GABRB1: variants seen among roughly 807,000 people sequenced by gnomAD.
GABRB1 encodes gamma-aminobutyric acid type A receptor subunit beta1.
A neutral mutation model predicts 51.6 loss-of-function variants in GABRB1; 17 were observed. That is an observed-to-expected ratio of 0.33 (90% confidence interval 0.23 to 0.49). GABRB1 has a LOEUF of 0.49. Ranked by LOEUF, GABRB1 falls within the 20% of genes least tolerant of loss-of-function variation. The probability of loss-of-function intolerance (pLI) is 0.99; values close to 1 mark genes in which losing one functional copy is unlikely to be tolerated. For synonymous variants in GABRB1, 247 were observed against 218.9 expected (o/e 1.13, Z -1.14); for missense variants, 410 against 600.6 (o/e 0.68, Z 3.32).
intron 4 of GABRB1, among the ~76,000 whole-genome samples, chr4:47,283,536 C>G (rs868629993): frequency 6.6e-6 from 1 of 150,884 alleles, no homozygotes; most frequent in Non-Finnish European, 1.5e-5. Flanking sequence ...CAGGAGCCTG[C>G]CGCCACCACG....
At chr4:47,411,834 A>G (rs1374326995) in intron 8 of GABRB1, among the ~76,000 whole-genome samples, 3 of 152,218 alleles carry the variant, frequency 2.0e-5, no homozygotes, top group African/African-American at 7.2e-5. Flanking sequence ...TATAGTGTAT[A>G]AAGAAATGGG....
chr4:47,025,768 A>G (rs531177447), intron 1 of GABRB1, among the ~76,000 whole-genome samples: 5 of 152,086 alleles, frequency 3.3e-5, no homozygotes, highest in African/African-American at 9.6e-5. Context: ...GCTTAGCTAT[A>G]AATTGGAAAC....
intron 4 of GABRB1, among the ~76,000 whole-genome samples, chr4:47,315,543 G>T (rs934423265): frequency 6.6e-6 from 1 of 151,854 alleles, no homozygotes; most frequent in Non-Finnish European, 1.5e-5. Context: ...TATGCCAAAA[G>T]GAATATGAGT....
chr4:47,271,658 C>T (rs886318210), intron 4 of GABRB1, among the ~76,000 whole-genome samples: 12 of 152,164 alleles, frequency 7.9e-5, no homozygotes, highest in African/African-American at 2.7e-4. Flanking sequence ...CCAGTTTACC[C>T]TATACACAAT....
chr4:47,321,642 T>C lies in GABRB1; in HGVS notation c.544+1433T>C, dbSNP rs540165360. 4.8e-4 allele frequency among the ~76,000 whole-genome samples: 73 copies of C among 152,338 alleles called. 1 individual carries two copies. The highest frequency in any genetic ancestry group is 1.7e-3 in the African/African-American group (72 of 41,584). ...TATACTAGTAGCTAATAACATTTTA[T>C]AAATAAGGCAGAACATTAGTTCGAC... On this transcript the variant is annotated intron_variant, in intron 5 of 8. Transcript: ENST00000295454.
chr4:47,089,636 A>C (rs1394129712), intron 3 of GABRB1, among the ~76,000 whole-genome samples: 1 of 152,218 alleles, frequency 6.6e-6, no homozygotes. Flanking sequence ...AACAAAAATA[A>C]ATTTAAGAAT....
At chr4:47,418,503 C>G (rs1000427975) in intron 8 of GABRB1, among the ~76,000 whole-genome samples, 2 of 152,190 alleles carry the variant, frequency 1.3e-5, no homozygotes, top group African/African-American at 2.4e-5. Context: ...CTTACAGTAA[C>G]TGTAAATGCC....
intron 3 of GABRB1, among the ~76,000 whole-genome samples, chr4:47,061,637 C>T (rs535743537): frequency 8.1e-4 from 123 of 152,236 alleles, no homozygotes; most frequent in African/African-American, 2.7e-3. Context: ...CAGTGAGCAA[C>T]GCAAAGTTCA....
chr4:47,017,772 T>C (rs1002257039), intron 1 of GABRB1, among the ~76,000 whole-genome samples: 2 of 152,150 alleles, frequency 1.3e-5, no homozygotes, highest in African/African-American at 4.8e-5. Flanking sequence ...CATCTCTCAA[T>C]CAAAATTTTG....
intron 4 of GABRB1, among the ~76,000 whole-genome samples, chr4:47,236,730 C>T (rs1006182535): frequency 3.3e-5 from 5 of 152,128 alleles, no homozygotes; most frequent in African/African-American, 9.7e-5. Flanking sequence ...GGGCAATGTT[C>T]AATCCTGGTG....
chr4:47,364,924 A>G (rs1464451945), intron 5 of GABRB1, among the ~76,000 whole-genome samples: 1 of 152,224 alleles, frequency 6.6e-6, no homozygotes, highest in Non-Finnish European at 1.5e-5. Context: ...AGCAGAACAA[A>G]CTAAAATAGA....
chr4:47,388,074 T>C (rs1236778728), intron 5 of GABRB1, among the ~76,000 whole-genome samples: 1 of 152,152 alleles, frequency 6.6e-6, no homozygotes, highest in Non-Finnish European at 1.5e-5. Flanking sequence ...AGTGTCTACA[T>C]CTACAAATTA....
At chr4:47,178,775 T>C (rs575034217) in intron 4 of GABRB1, among the ~76,000 whole-genome samples, 9 of 152,278 alleles carry the variant, frequency 5.9e-5, no homozygotes, top group African/African-American at 2.2e-4. Flanking sequence ...CCAAGAACTT[T>C]ATTTCCTGCT....
chr4:47,037,007 G>A (rs1178143379), intron 3 of GABRB1, among the ~76,000 whole-genome samples: 1 of 152,128 alleles, frequency 6.6e-6, no homozygotes, highest in African/African-American at 2.4e-5. Flanking sequence ...CATAATTGAT[G>A]ATGATGATGA....
At chr4:47,001,184 C>T (rs1277059571) in intron 1 of GABRB1, among the ~76,000 whole-genome samples, 2 of 151,974 alleles carry the variant, frequency 1.3e-5, no homozygotes, top group African/African-American at 4.8e-5. Context: ...GCTCTGTCGC[C>T]CAGGCTGGAG....
chr4:47,080,328 T>C (rs1727774200), intron 3 of GABRB1, among the ~76,000 whole-genome samples: 1 of 151,866 alleles, frequency 6.6e-6, no homozygotes, highest in African/African-American at 2.4e-5. Flanking sequence ...GGGTCCTGTC[T>C]TGAATGTCAT....
At chr4:47,354,906 T>G (rs971481807) in intron 5 of GABRB1, among the ~76,000 whole-genome samples, 3 of 5,634 alleles carry the variant, frequency 5.3e-4, no homozygotes, top group Non-Finnish European at 7.9e-4. Context: ...CCTTCCTACC[T>G]GCCTGCCTGC....
intron 3 of GABRB1, among the ~76,000 whole-genome samples, chr4:47,034,913 T>C (rs937867243): frequency 7.2e-5 from 11 of 152,186 alleles, no homozygotes; most frequent in Non-Finnish European, 1.6e-4. Context: ...GTATTAAGCA[T>C]GTTTCGGTGC....
intron 4 of GABRB1, among the ~76,000 whole-genome samples, chr4:47,205,669 T>C (rs187140978): frequency 6.6e-6 from 1 of 152,214 alleles, no homozygotes; most frequent in East Asian, 1.9e-4. Flanking sequence ...TTACAAAGGG[T>C]AATATTTTGC....
Sources: allele counts gnomAD v4.1 joint callset (sites outside exome capture counted in the v4.1 genomes callset), GRCh38; gene constraint gnomAD v4.1.1; transcripts MANE v1.5; gene names NCBI Gene and HGNC (gene_info 2026-07-23, HGNC 2026-07-21).